HDAC4: variants seen among roughly 807,000 people sequenced by gnomAD.
HDAC4 encodes the protein histone deacetylase 4.
HDAC4 carries 16 observed loss-of-function variants against 135.1 expected under a neutral mutation model. That is an observed-to-expected ratio of 0.12 (90% confidence interval 0.08 to 0.18). The LOEUF is 0.18. Among genes scored for constraint, HDAC4 ranks in the 10% least tolerant of loss-of-function variants. HDAC4 has a pLI of 1.00. For missense variants in HDAC4, 1,143 were observed against 1,511.8 expected, an observed-to-expected ratio of 0.76 and a Z score of 4.05; for synonymous variants, 685 against 653.4, an observed-to-expected ratio of 1.05 and a Z score of -0.74.
chr2:239,367,978 AAAATAAATAAAT>A (rs578057387), intron 1 of HDAC4, among the ~76,000 whole-genome samples: 4 of 152,178 alleles, frequency 2.6e-5, no homozygotes, highest in East Asian at 3.9e-4. Context: ...ACTCCGTCTC[AAAATAAATAAAT>A]AAATAAATAA....
intron 2 of HDAC4, among the ~76,000 whole-genome samples, chr2:239,316,272 T>C (rs2053110603): frequency 6.6e-6 from 1 of 152,202 alleles, no homozygotes; most frequent in Non-Finnish European, 1.5e-5. Context: ...ACTTATCTTT[T>C]GATAGAAATC....
chr2:239,110,925 C>G (rs1025408512), intron 14 of HDAC4, among the ~76,000 whole-genome samples: 1 of 152,202 alleles, frequency 6.6e-6, no homozygotes, highest in African/African-American at 2.4e-5. Flanking sequence ...GCCTCCTCAG[C>G]CGTGGTGGAC....
chr2:239,239,696 T>A (rs2048068375), intron 2 of HDAC4, among the ~76,000 whole-genome samples: 1 of 152,178 alleles, frequency 6.6e-6, no homozygotes, highest in Non-Finnish European at 1.5e-5. Flanking sequence ...GCCTGGCTAG[T>A]CTCATAACAA....
chr2:239,126,340 C>G, intron 12 of HDAC4, 116 bp downstream of exon 12: 1 of 1,565,032 alleles, frequency 6.4e-7, no homozygotes, highest in East Asian at 2.3e-5. Flanking sequence ...TCGGTTCCCT[C>G]TTTCTGCCTC....
intron 2 of HDAC4, among the ~76,000 whole-genome samples, chr2:239,253,755 C>G (rs1020689782): frequency 6.6e-6 from 1 of 152,184 alleles, no homozygotes; most frequent in Non-Finnish European, 1.5e-5. Context: ...GGAAAGAAAG[C>G]AAACGGCCCT....
At chr2:239,089,831 G>C in intron 18 of HDAC4, 178 bp downstream of exon 18, 1 of 622,790 alleles carries the variant, frequency 1.6e-6, no homozygotes, top group Non-Finnish European at 3.0e-6. Flanking sequence ...TATCACAAAT[G>C]TGGGCAATGT....
At chr2:239,154,711 A>G (rs938558279) in intron 7 of HDAC4, 1 of 152,212 alleles carries the variant, frequency 6.6e-6, no homozygotes, top group Non-Finnish European at 1.5e-5. Context: ...ATCAGCCCAC[A>G]GATTCTCTCC....
intron 24 of HDAC4, among the ~76,000 whole-genome samples, chr2:239,063,397 G>A (rs1278813699): frequency 6.6e-6 from 1 of 152,002 alleles, no homozygotes; most frequent in Non-Finnish European, 1.5e-5. Context: ...GTAGAGACGG[G>A]GTTTCACCAT....
chr2:239,311,876 AG>A (rs2052896880), intron 2 of HDAC4, among the ~76,000 whole-genome samples: 1 of 152,190 alleles, frequency 6.6e-6, no homozygotes, highest in African/African-American at 2.4e-5. Context: ...GGCCTTGGGC[AG>A]CCCACGGGGC....
In HDAC4 at chr2:239,189,895, A is replaced by G; in HGVS notation, c.277T>C (p.Phe93Leu). 6.2e-7 allele frequency: 1 copy of G among 1,610,996 alleles called. No homozygotes were observed. The highest frequency in any genetic ancestry group is 8.5e-7 in the Non-Finnish European group (1 of 1,179,864). ...GAGAGCTGCTCGTGCTGCCTCTGGA[A>G]CTCAGCGATGAGGATCTGCCTCTGG... ...QIQRQILIAE[F>L]QRQHEQLSRQ... The change falls in exon 4 of 27, where the codon TTC (phenylalanine) becomes CTC (leucine). Residue 93 changes from phenylalanine to leucine, a missense_variant. Transcript: ENST00000543185.
intron 3 of HDAC4, among the ~76,000 whole-genome samples, chr2:239,199,135 T>C (rs1380896274): frequency 1.4e-5 from 2 of 147,402 alleles, no homozygotes; most frequent in Non-Finnish European, 3.0e-5. Flanking sequence ...CCCGATAATT[T>C]ATTAGCTGAA....
chr2:239,124,543 C>A (rs551313991), intron 12 of HDAC4, among the ~76,000 whole-genome samples: 1 of 139,158 alleles, frequency 7.2e-6, no homozygotes, highest in Admixed American at 7.1e-5. Context: ...TGTGGCCGTG[C>A]GTCATTCCAC....
At chr2:239,390,817 C>T (rs1029062236) in intron 1 of HDAC4, among the ~76,000 whole-genome samples, 2 of 152,240 alleles carry the variant, frequency 1.3e-5, no homozygotes, top group African/African-American at 4.8e-5. Context: ...ACTGCAGCCA[C>T]ACCCGGTAGC....
intron 2 of HDAC4, among the ~76,000 whole-genome samples, chr2:239,277,333 TG>T (rs1047601326): frequency 2.0e-5 from 3 of 151,190 alleles, no homozygotes; most frequent in African/African-American, 7.3e-5. Flanking sequence ...GGGTGAGAGG[TG>T]GGGAGAGGAG....
chr2:239,087,190 A>G (rs1451125483), intron 19 of HDAC4, among the ~76,000 whole-genome samples: 2 of 152,202 alleles, frequency 1.3e-5, no homozygotes, highest in African/African-American at 4.8e-5. Flanking sequence ...CTAAAAGGCC[A>G]TGCGCAAAAT....
intron 3 of HDAC4, among the ~76,000 whole-genome samples, chr2:239,221,061 G>A (rs1163790534): frequency 2.0e-5 from 3 of 152,132 alleles, no homozygotes; most frequent in African/African-American, 4.8e-5. Context: ...CGTGTGACCC[G>A]CTGAGTGAGG....
At chr2:239,054,456 G>A (rs2031453303) in intron 25 of HDAC4, among the ~76,000 whole-genome samples, 1 of 152,144 alleles carries the variant, frequency 6.6e-6, no homozygotes, top group Non-Finnish European at 1.5e-5. Flanking sequence ...GCTAGCTGGG[G>A]ACCTAGAGCA....
chr2:239,164,302 G>A (rs1051072284), intron 5 of HDAC4, among the ~76,000 whole-genome samples: 1 of 152,240 alleles, frequency 6.6e-6, no homozygotes, highest in Non-Finnish European at 1.5e-5. Context: ...TAAGAGAGAA[G>A]GCTTTGTGCA....
chr2:239,100,529 C>T (rs11693243), intron 16 of HDAC4, among the ~76,000 whole-genome samples: 44,435 of 152,082 alleles, frequency 0.29, 6,699 homozygotes, highest in Non-Finnish European at 0.33. Context: ...CCCCAGCCTC[C>T]TTCCCCTGTG....
Sources: gnomAD v4.1 joint callset for allele counts (sites outside exome capture counted in the v4.1 genomes callset) on GRCh38, gnomAD v4.1.1 for gene constraint, MANE v1.5 for transcripts, NCBI Gene and HGNC (gene_info 2026-07-23, HGNC 2026-07-21) for gene names.